Variants in ZNF366 observed in about 807,000 individuals in gnomAD.
ZNF366 encodes dendritic cell-specific transcript protein.
In ZNF366, 20 loss-of-function variants were observed where a neutral mutation model predicts 47.2. The ratio of observed to expected loss-of-function variants is 0.42; its 90% confidence interval spans 0.30 to 0.62. The LOEUF (loss-of-function observed/expected upper bound fraction) is 0.62, where lower values mean the gene tolerates loss of function less well. Among genes scored for constraint, ZNF366 ranks in the 20% least tolerant of loss-of-function variants. The pLI is 0.16. For missense variants in ZNF366, 987 were observed against 976.3 expected (o/e 1.01, Z -0.15); for synonymous variants, 421 against 395.1 (o/e 1.07, Z -0.78).
chr5:72,456,748 A>G (rs1453691570), intron 2 of ZNF366, among the ~76,000 whole-genome samples, 153 bp from the exon 3 acceptor site: 1 of 152,234 alleles, frequency 6.6e-6, no homozygotes, highest in Non-Finnish European at 1.5e-5. Flanking sequence ...GCCTTGTTAA[A>G]TTACTATTTT....
intron 1 of ZNF366, among the ~76,000 whole-genome samples, chr5:72,478,624 T>G (rs554024147): frequency 1.3e-5 from 2 of 152,228 alleles, no homozygotes; most frequent in Non-Finnish European, 2.9e-5. Context: ...TCTATTTATT[T>G]TTACCCCTAG....
At chr5:72,483,936 A>G (rs1580249145) in intron 1 of ZNF366, among the ~76,000 whole-genome samples, 1 of 152,120 alleles carries the variant, frequency 6.6e-6, no homozygotes, top group African/African-American at 2.4e-5. Flanking sequence ...TAAAAAAAAA[A>G]CTTTTTATTA....
At position 72,441,031 on chromosome 5, in the gene ZNF366, G is replaced by T. The variant is rs1343711618; in HGVS notation, c.*2725C>A. On this transcript the variant is annotated 3_prime_UTR_variant, in exon 5 of 5. Transcript: ENST00000318442. ...AGCTGCTTGGAGTGAGGTGGGTGTG[G>T]GAGTTGAGAGCTTCTCCTCCCCTTA... 6.6e-6 allele frequency: 1 copy of T among 152,072 alleles called. No homozygotes were observed. The highest frequency in any genetic ancestry group is 1.5e-5 in the Non-Finnish European group (1 of 68,020). The allele number at this position is 152,072 out of a possible 1,614,324, so 9.4% of individuals were successfully genotyped here. A position where few individuals can be genotyped will look rare whatever the true frequency, so the allele number is the denominator to read the frequency against.
intron 3 of ZNF366, among the ~76,000 whole-genome samples, chr5:72,452,726 G>A (rs972152364): frequency 2.0e-5 from 3 of 152,310 alleles, no homozygotes; most frequent in East Asian, 1.9e-4. Flanking sequence ...GGCAGCTGCC[G>A]GCTTCACCCA....
At chr5:72,492,765 C>T (rs555000100) in intron 1 of ZNF366, among the ~76,000 whole-genome samples, 3 of 152,318 alleles carry the variant, frequency 2.0e-5, no homozygotes, top group African/African-American at 7.2e-5. Flanking sequence ...CAGCTGTGGT[C>T]CTCAGCATTC....
intron 3 of ZNF366, 29 bp from the exon 4 acceptor site, chr5:72,447,446 T>A: frequency 6.2e-7 from 1 of 1,611,798 alleles, no homozygotes; most frequent in Non-Finnish European, 8.5e-7. Flanking sequence ...AGAACACAGG[T>A]TACTCTGCCC....
In ZNF366 at chr5:72,443,523, T is replaced by C; in HGVS notation, c.*233A>G. 6.2e-6 allele frequency: 3 copies of C among 482,496 alleles called. No homozygotes were observed. The highest frequency in any genetic ancestry group is 3.7e-5 in the Admixed American group (1 of 26,732). The allele number at this position is 482,496 out of a possible 1,614,324, so 29.9% of individuals were successfully genotyped here. ...GAAGAATACTCACAGTTTATTATAC[T>C]GGCAATGCATAAAACGCCACTGATG... On this transcript the variant is annotated 3_prime_UTR_variant, in exon 5 of 5. Coordinates refer to ENST00000318442, the MANE Select transcript of ZNF366 (RefSeq NM_152625.3).
chr5:72,455,623 G>C (rs1292314771), intron 3 of ZNF366, among the ~76,000 whole-genome samples: 2 of 152,150 alleles, frequency 1.3e-5, no homozygotes, highest in Non-Finnish European at 2.9e-5. Flanking sequence ...CAGCCTCGGG[G>C]AGCCGGAGCA....
intron 3 of ZNF366, among the ~76,000 whole-genome samples, chr5:72,447,860 C>T (rs1296423633): frequency 6.6e-6 from 1 of 152,130 alleles, no homozygotes; most frequent in Non-Finnish European, 1.5e-5. Flanking sequence ...GAGATGGTTG[C>T]TATTACCACC....
intron 1 of ZNF366, chr5:72,472,518 G>A (rs1293863232): frequency 2.0e-6 from 2 of 984,832 alleles, no homozygotes; most frequent in Non-Finnish European, 1.2e-6. Context: ...GGAAGAATTT[G>A]GGGACTTGCA....
At chr5:72,492,082 A>G (rs974477914) in intron 1 of ZNF366, among the ~76,000 whole-genome samples, 10 of 152,336 alleles carry the variant, frequency 6.6e-5, no homozygotes, top group Middle Eastern at 3.4e-3. Context: ...GTTCCCTAGT[A>G]TGTTAATAAG....
intron 1 of ZNF366, among the ~76,000 whole-genome samples, chr5:72,504,751 T>A (rs1038836457): frequency 1.3e-5 from 2 of 152,018 alleles, no homozygotes; most frequent in Non-Finnish European, 2.9e-5. Context: ...TGTTAATATA[T>A]GACCCTTAAA....
At chr5:72,457,134 C>T (rs1743208556) in intron 2 of ZNF366, among the ~76,000 whole-genome samples, 1 of 152,148 alleles carries the variant, frequency 6.6e-6, no homozygotes, top group Non-Finnish European at 1.5e-5. Flanking sequence ...AAGTTGGTCC[C>T]CTGGGTTCCC....
At chr5:72,480,328 T>C (rs573719703) in intron 1 of ZNF366, among the ~76,000 whole-genome samples, 1 of 152,360 alleles carries the variant, frequency 6.6e-6, no homozygotes, top group African/African-American at 2.4e-5. Context: ...GAATATTTTC[T>C]TGGAAGGTTT....
chr5:72,477,897 A>G (rs1743707101), intron 1 of ZNF366, among the ~76,000 whole-genome samples: 1 of 152,036 alleles, frequency 6.6e-6, no homozygotes, highest in Non-Finnish European at 1.5e-5. Flanking sequence ...GGTGGGCTGG[A>G]TTTGACCTGA....
Position 72,507,240 on chromosome 5 carries a change from G to A in ZNF366, c.-15+11C>T, listed in dbSNP as rs1744336436. On this transcript the variant is annotated intron_variant, in intron 1 of 4. Coordinates refer to ENST00000318442, the MANE Select transcript of ZNF366 (RefSeq NM_152625.3). ...GAAAAGGAAGCAGAAATGATTGCAT[G>A]GGTAACTTACCAGCTCCTGAGGTCT... 3 of 985,378 alleles carry A rather than the reference G, an allele frequency of 3.0e-6. No individual in the cohort carries two copies. Among genetic ancestry groups the A allele is most frequent in the African/African-American group, 1.7e-5 (1 of 57,224 alleles). 61.0% of individuals were successfully genotyped at this position (985,378 alleles called of 1,614,324 possible).
chr5:72,486,446 G>T (rs1481574008), intron 1 of ZNF366, among the ~76,000 whole-genome samples: 1 of 152,162 alleles, frequency 6.6e-6, no homozygotes, highest in Non-Finnish European at 1.5e-5. Context: ...TGGATTCAGG[G>T]AGGGTCTAAC....
rs1170392977 is a variant in ZNF366, at chr5:72,441,039, G to C, written c.*2717C>G. ...GGAGTGAGGTGGGTGTGGGAGTTGA[G>C]AGCTTCTCCTCCCCTTACCACTCTT... On this transcript the variant is annotated 3_prime_UTR_variant, in exon 5 of 5. Transcript: ENST00000318442. 6.6e-6 allele frequency: 1 copy of C among 152,146 alleles called. No homozygotes were observed. The highest frequency in any genetic ancestry group is 1.5e-5 in the Non-Finnish European group (1 of 68,028). 9.4% of individuals were successfully genotyped at this position (152,146 alleles called of 1,614,324 possible). A position where few individuals can be genotyped will look rare whatever the true frequency, so the allele number is the denominator to read the frequency against.
chr5:72,504,082 TGC>T (rs1184534157), intron 1 of ZNF366, among the ~76,000 whole-genome samples: 22 of 150,872 alleles, frequency 1.5e-4, no homozygotes, highest in Admixed American at 1.1e-3. Flanking sequence ...CACACACACA[TGC>T]GCGCGCACAC....
Sources: gnomAD v4.1 joint callset for allele counts (sites outside exome capture counted in the v4.1 genomes callset) on GRCh38, gnomAD v4.1.1 for gene constraint, MANE v1.5 for transcripts, NCBI Gene and HGNC (gene_info 2026-07-23, HGNC 2026-07-21) for gene names.